Variants in TNRC6A observed in about 807,000 individuals in gnomAD.
TNRC6A encodes trinucleotide repeat-containing gene 6A protein.
In TNRC6A, 44 loss-of-function variants were observed where a neutral mutation model predicts 221.2. The ratio of observed to expected loss-of-function variants is 0.20; its 90% CI spans 0.16 to 0.26. The LOEUF is 0.26. Among genes scored for constraint, TNRC6A ranks in the 10% least tolerant of loss-of-function variants. The probability of loss-of-function intolerance (pLI) is 1.00; values close to 1 mark genes in which losing one functional copy is unlikely to be tolerated. For missense variants in TNRC6A, 2,199 were observed against 2,404.4 expected, an observed-to-expected ratio of 0.91 and a Z score of 1.79; for synonymous variants, 847 against 838.5, an observed-to-expected ratio of 1.01 and a Z score of -0.18.
intron 11 of TNRC6A, among the ~76,000 whole-genome samples, chr16:24,801,977 G>A (rs1596767685): frequency 6.6e-6 from 1 of 152,062 alleles, no homozygotes; most frequent in East Asian, 1.9e-4. Flanking sequence ...AACAGAGGAG[G>A]GAGCTGTGGT....
At chr16:24,686,090 T>A (rs1596491917) in intron 2 of TNRC6A, among the ~76,000 whole-genome samples, 1 of 152,148 alleles carries the variant, frequency 6.6e-6, no homozygotes, top group East Asian at 1.9e-4. Context: ...CCTGGCTTCG[T>A]GGGGGTTAAG....
In TNRC6A at chr16:24,793,461, C is replaced by T; in HGVS notation, c.3176-12C>T. 7.2e-7 allele frequency: 1 copy of T among 1,398,226 alleles called. No homozygotes were observed. The highest frequency in any genetic ancestry group is 9.4e-7 in the Non-Finnish European group (1 of 1,064,972). The allele number at this position is 1,398,226 out of a possible 1,614,324, so 86.6% of individuals were successfully genotyped here. ...TCTATGCTGATGACTTCTTTTCCCACACTTTCTAAAGGCTGGGGTGAGCCC... is the reference window on the plus strand; with the variant it reads ...TCTATGCTGATGACTTCTTTTCCCATACTTTCTAAAGGCTGGGGTGAGCCC... On this transcript the variant is annotated splice_polypyrimidine_tract_variant and intron_variant, in intron 6 of 24. Transcript: ENST00000395799.
intron 4 of TNRC6A, among the ~76,000 whole-genome samples, chr16:24,773,874 A>T (rs2057665179): frequency 6.7e-6 from 1 of 149,040 alleles, no homozygotes; most frequent in Non-Finnish European, 1.5e-5. Context: ...TTTTTTTTTA[A>T]CCTTGCTGCA....
At chr16:24,738,174 T>C (rs1256444666) in intron 2 of TNRC6A, among the ~76,000 whole-genome samples, 1 of 152,214 alleles carries the variant, frequency 6.6e-6, no homozygotes, top group Non-Finnish European at 1.5e-5. Context: ...CTCTTGTTTT[T>C]TGCTCAGCTT....
chr16:24,759,010 C>T (rs1054072037), intron 4 of TNRC6A, among the ~76,000 whole-genome samples: 5 of 152,044 alleles, frequency 3.3e-5, no homozygotes, highest in African/African-American at 4.8e-5. Context: ...ACTTATTAAG[C>T]CTCAAGATTC....
At chr16:24,668,337 T>G (rs2055217473) in intron 2 of TNRC6A, among the ~76,000 whole-genome samples, 1 of 134,190 alleles carries the variant, frequency 7.5e-6, no homozygotes, top group Non-Finnish European at 1.6e-5. Context: ...AAAGCAAAAC[T>G]CCATCTCAAA....
At chr16:24,721,839 C>T (rs564622799) in intron 2 of TNRC6A, among the ~76,000 whole-genome samples, 1 of 152,288 alleles carries the variant, frequency 6.6e-6, no homozygotes, top group African/African-American at 2.4e-5. Context: ...ACTTAATACA[C>T]GCAATCATAT....
intron 2 of TNRC6A, among the ~76,000 whole-genome samples, chr16:24,687,843 G>GGAAGAGGAGGAAGAAGAA (rs1555489486): frequency 9.8e-6 from 1 of 101,856 alleles, no homozygotes; most frequent in African/African-American, 3.4e-5. Flanking sequence ...AAGAGGAAGA[G>GGAAGAGGAGGAAGAAGAA]GAAGAAGAAG....
chr16:24,783,580 T>C (rs2057901251), intron 5 of TNRC6A, among the ~76,000 whole-genome samples: 1 of 152,108 alleles, frequency 6.6e-6, no homozygotes, highest in Non-Finnish European at 1.5e-5. Context: ...CTGTGGGCAT[T>C]TTGTATGAAA....
intron 2 of TNRC6A, among the ~76,000 whole-genome samples, chr16:24,647,650 C>T (rs576413319): frequency 2.6e-5 from 4 of 152,126 alleles, no homozygotes; most frequent in African/African-American, 7.2e-5. Flanking sequence ...CTCCCCCTTT[C>T]GCCCAGGCTG....
At position 24,769,066 on chromosome 16, in the gene TNRC6A, A is replaced by C. The variant is rs535082923; in HGVS notation, c.164-7867A>C. Among the ~76,000 whole-genome samples, 3 of 152,338 alleles carry C rather than the reference A, an allele frequency of 2.0e-5. No homozygotes were observed. The South Asian group carries it at 6.2e-4, about 32-fold the overall frequency. ...GAAGTATTAATTAAAATGGTATTAC[A>C]AATTTAGAACTTGGTATATTTAGAA... is the stretch of plus-strand genomic sequence containing the variant. On this transcript the variant is annotated intron_variant, in intron 4 of 24. Coordinates refer to ENST00000395799, the MANE Select transcript of TNRC6A (RefSeq NM_014494.4).
At chr16:24,740,364 A>G (rs1200263145) in intron 2 of TNRC6A, among the ~76,000 whole-genome samples, 5 of 152,226 alleles carry the variant, frequency 3.3e-5, no homozygotes, top group African/African-American at 1.2e-4. Flanking sequence ...AGATTTTGAT[A>G]GGAACAGTGT....
At chr16:24,683,261 A>G (rs2055567739) in intron 2 of TNRC6A, among the ~76,000 whole-genome samples, 1 of 152,122 alleles carries the variant, frequency 6.6e-6, no homozygotes, top group African/African-American at 2.4e-5. Flanking sequence ...CAGTGGCACA[A>G]TCATAGTTTA....
chr16:24,706,745 T>C (rs1038646542), intron 2 of TNRC6A, among the ~76,000 whole-genome samples: 12 of 145,168 alleles, frequency 8.3e-5, no homozygotes, highest in East Asian at 2.0e-4. Context: ...GAAAAGCAGA[T>C]TAATGAAGCA....
chr16:24,639,047 A>G (rs1334703367), intron 1 of TNRC6A, among the ~76,000 whole-genome samples: 1 of 152,232 alleles, frequency 6.6e-6, no homozygotes, highest in Admixed American at 6.5e-5. Context: ...CCCAGAGTGC[A>G]GAGATTTTGG....
intron 17 of TNRC6A, among the ~76,000 whole-genome samples, chr16:24,808,870 G>A (rs2058487235): frequency 6.6e-6 from 1 of 152,144 alleles, no homozygotes; most frequent in South Asian, 2.1e-4. Context: ...TCTGACCACT[G>A]TATCTAAGGT....
At chr16:24,678,204 C>T (rs1009395171) in intron 2 of TNRC6A, among the ~76,000 whole-genome samples, 2 of 151,042 alleles carry the variant, frequency 1.3e-5, no homozygotes, top group Non-Finnish European at 2.9e-5. Flanking sequence ...CCAGCTACTC[C>T]GGAGGCTGAG....
At chr16:24,731,410 G>T (rs1052240652) in intron 2 of TNRC6A, among the ~76,000 whole-genome samples, 7 of 152,122 alleles carry the variant, frequency 4.6e-5, no homozygotes, top group Non-Finnish European at 1.0e-4. Flanking sequence ...TCAGGTGATC[G>T]TTAAAGAATG....
At chr16:24,722,694 A>C (rs1309896054) in intron 2 of TNRC6A, among the ~76,000 whole-genome samples, 1 of 152,148 alleles carries the variant, frequency 6.6e-6, no homozygotes, top group Admixed American at 6.6e-5. Flanking sequence ...TCGGCCTCCC[A>C]AAGTGCTGGG....
Sources: allele counts gnomAD v4.1 joint callset (sites outside exome capture counted in the v4.1 genomes callset), GRCh38; gene constraint gnomAD v4.1.1; transcripts MANE v1.5; gene names NCBI Gene and HGNC (gene_info 2026-07-23, HGNC 2026-07-21).